PRTG: variants seen among roughly 807,000 people sequenced by gnomAD.
PRTG encodes the protein protogenin.
Under a neutral mutation model 122.5 loss-of-function variants are expected in PRTG, and 67 were observed. The observed-to-expected ratio is 0.55, with a 90% confidence interval of 0.45 to 0.67. The LOEUF is 0.67. PRTG is among the 30% of genes least tolerant of loss of function. The pLI, the probability that PRTG is intolerant of heterozygous loss-of-function variation, is 0.00. For synonymous variants in PRTG, 554 were observed against 501.1 expected, an observed-to-expected ratio of 1.11 and a Z score of -1.41; for missense variants, 1,435 against 1,415.4, an observed-to-expected ratio of 1.01 and a Z score of -0.22.
intron 18 of PRTG, among the ~76,000 whole-genome samples, 187 bp downstream of exon 18, chr15:55,624,154 TA>T (rs2059181436): frequency 6.6e-6 from 1 of 151,586 alleles, no homozygotes; most frequent in Non-Finnish European, 1.5e-5. Flanking sequence ...TCTCACCTTT[TA>T]TCTATCCTCA....
chr15:55,625,455 C>CT (rs888711783), intron 17 of PRTG, among the ~76,000 whole-genome samples: 140 of 141,346 alleles, frequency 9.9e-4, no homozygotes, highest in Middle Eastern at 3.7e-3. Context: ...ATTGTGTTTT[C>CT]TTTTTTTTTT....
At chr15:55,711,051 C>G (rs184584996) in intron 2 of PRTG, among the ~76,000 whole-genome samples, 2 of 151,056 alleles carry the variant, frequency 1.3e-5, no homozygotes, top group African/African-American at 2.4e-5. Context: ...GGATTACAGG[C>G]GCCTGCCACC....
intron 2 of PRTG, among the ~76,000 whole-genome samples, chr15:55,701,781 T>C (rs1365819198): frequency 6.6e-6 from 1 of 152,166 alleles, no homozygotes; most frequent in African/African-American, 2.4e-5. Context: ...AAACAAAATA[T>C]GTAAGTCTTA....
chr15:55,648,605 G>A (rs1043838698), intron 11 of PRTG, among the ~76,000 whole-genome samples: 1 of 152,162 alleles, frequency 6.6e-6, no homozygotes, highest in Non-Finnish European at 1.5e-5. Flanking sequence ...TCCAGGTGCT[G>A]AGGTTGGGAG....
chr15:55,667,260 T>C (rs2059444022), intron 11 of PRTG, among the ~76,000 whole-genome samples: 1 of 152,034 alleles, frequency 6.6e-6, no homozygotes, highest in African/African-American at 2.4e-5. Flanking sequence ...GCTCTTACAG[T>C]TTCATCAATC....
At position 55,633,528 on chromosome 15, in the gene PRTG, T is replaced by C. The variant is rs960540834; in HGVS notation, c.2623+3642A>G. On this transcript the variant is annotated intron_variant, in intron 15 of 19. Transcript: ENST00000389286. Reference sequence around the variant, plus strand: ...GATTCACAAAAACTACCTTGTTCCATTTGTATTAAAATATGTGGATTAAAT... The same window carrying C: ...GATTCACAAAAACTACCTTGTTCCACTTGTATTAAAATATGTGGATTAAAT... Among the ~76,000 whole-genome samples, 3 of 152,306 alleles carry C rather than the reference T, an allele frequency of 2.0e-5. No homozygotes were observed. The South Asian group carries it at 6.2e-4, about 32-fold the overall frequency.
At chr15:55,651,919 A>T (rs917555592) in intron 11 of PRTG, among the ~76,000 whole-genome samples, 1 of 152,172 alleles carries the variant, frequency 6.6e-6, no homozygotes, top group African/African-American at 2.4e-5. Context: ...CCATCCTTCT[A>T]TGGAAATTCT....
chr15:55,702,366 C>G (rs895472435), intron 2 of PRTG, among the ~76,000 whole-genome samples: 1 of 152,146 alleles, frequency 6.6e-6, no homozygotes, highest in African/African-American at 2.4e-5. Context: ...CTGCTCTCAT[C>G]CACAGAATAG....
At chr15:55,654,247 T>C (rs1027248714) in intron 11 of PRTG, among the ~76,000 whole-genome samples, 2 of 152,160 alleles carry the variant, frequency 1.3e-5, no homozygotes, top group African/African-American at 2.4e-5. Context: ...AGGGTTGATA[T>C]CTCCTTTGGT....
At chr15:55,722,661 ACCTTATTT>A (rs1236119972) in intron 2 of PRTG, among the ~76,000 whole-genome samples, 5 of 152,224 alleles carry the variant, frequency 3.3e-5, no homozygotes, top group Admixed American at 2.6e-4. Context: ...TCTTCAAGAT[ACCTTATTT>A]CCTTATTTCC....
intron 15 of PRTG, among the ~76,000 whole-genome samples, chr15:55,633,651 C>A (rs978789586): frequency 6.6e-6 from 1 of 152,088 alleles, no homozygotes; most frequent in African/African-American, 2.4e-5. Context: ...CAAAAGCTGC[C>A]ATAATTATAC....
At chr15:55,686,122 A>T (rs944980761) in intron 2 of PRTG, among the ~76,000 whole-genome samples, 4 of 152,200 alleles carry the variant, frequency 2.6e-5, no homozygotes, top group African/African-American at 7.2e-5. Context: ...ATTTCTCAAT[A>T]ATCAGGTAAG....
intron 16 of PRTG, among the ~76,000 whole-genome samples, chr15:55,628,323 G>A (rs1159856965): frequency 6.6e-6 from 1 of 151,106 alleles, no homozygotes; most frequent in Non-Finnish European, 1.5e-5. Context: ...CAGCTGTGAT[G>A]AGTAGTGTAA....
intron 2 of PRTG, among the ~76,000 whole-genome samples, chr15:55,707,542 A>G (rs1300488450): frequency 6.6e-6 from 1 of 152,238 alleles, no homozygotes; most frequent in Non-Finnish European, 1.5e-5. Context: ...AATTATATGC[A>G]ACCTTTCACT....
At chr15:55,658,018 T>A (rs1213880439) in intron 11 of PRTG, among the ~76,000 whole-genome samples, 1 of 152,210 alleles carries the variant, frequency 6.6e-6, no homozygotes, top group Non-Finnish European at 1.5e-5. Context: ...CACATACACA[T>A]ATTCAATATT....
intron 2 of PRTG, among the ~76,000 whole-genome samples, chr15:55,715,995 A>T (rs2030583850): frequency 1.3e-5 from 2 of 152,236 alleles, no homozygotes; most frequent in South Asian, 4.1e-4. Context: ...TACAGATACC[A>T]TCCAAAAACT....
chr15:55,667,524 G>A (rs1407457729), intron 11 of PRTG, among the ~76,000 whole-genome samples: 1 of 151,786 alleles, frequency 6.6e-6, no homozygotes, highest in Non-Finnish European at 1.5e-5. Flanking sequence ...CTGCTCTATT[G>A]GCAAATTAAG....
At chr15:55,624,142 T>C (rs2059181399) in intron 18 of PRTG, among the ~76,000 whole-genome samples, 200 bp downstream of exon 18, 1 of 152,020 alleles carries the variant, frequency 6.6e-6, no homozygotes, top group African/African-American at 2.4e-5. Context: ...TTATGGCATC[T>C]TTCTCACCTT....
intron 17 of PRTG, among the ~76,000 whole-genome samples, chr15:55,626,086 A>G (rs1357759871): frequency 6.6e-6 from 1 of 152,052 alleles, no homozygotes; most frequent in Non-Finnish European, 1.5e-5. Flanking sequence ...TTTTAAACCA[A>G]AGGATATTCT....
Sources: allele counts gnomAD v4.1 joint callset (sites outside exome capture counted in the v4.1 genomes callset), GRCh38; gene constraint gnomAD v4.1.1; transcripts MANE v1.5; gene names NCBI Gene and HGNC (gene_info 2026-07-23, HGNC 2026-07-21).